GRID2: variants seen among roughly 807,000 people sequenced by gnomAD.
The protein encoded by GRID2 is glutamate ionotropic receptor delta type subunit 2.
GRID2 carries 33 observed loss-of-function variants against 114.8 expected under a neutral mutation model. The observed-to-expected ratio is 0.29, with a 90% CI of 0.22 to 0.38. GRID2 has a LOEUF of 0.38. GRID2 is among the 10% of genes least tolerant of loss of function. GRID2 has a pLI of 1.00. For synonymous variants in GRID2, 505 were observed against 449.9 expected (o/e 1.12, Z -1.55); for missense variants, 1,184 against 1,257.7 (o/e 0.94, Z 0.89).
intron 8 of GRID2, among the ~76,000 whole-genome samples, chr4:93,364,763 G>A (rs560540668): frequency 6.6e-6 from 1 of 152,240 alleles, no homozygotes; most frequent in Admixed American, 6.5e-5. Flanking sequence ...CCAGGTGTGA[G>A]CCACTGTACC....
chr4:92,770,730 C>T (rs540943238), intron 2 of GRID2, among the ~76,000 whole-genome samples: 42 of 152,128 alleles, frequency 2.8e-4, no homozygotes, highest in African/African-American at 6.5e-4. Flanking sequence ...TTCACTATCA[C>T]GAGAAAAGCG....
At chr4:93,533,980 T>G (rs1189572138) in intron 13 of GRID2, among the ~76,000 whole-genome samples, 1 of 152,148 alleles carries the variant, frequency 6.6e-6, no homozygotes, top group Non-Finnish European at 1.5e-5. Context: ...ATTATCTTTC[T>G]GGCTTGGCTT....
intron 2 of GRID2, among the ~76,000 whole-genome samples, chr4:92,936,178 T>C (rs1004431896): frequency 6.8e-6 from 1 of 146,994 alleles, no homozygotes; most frequent in African/African-American, 2.4e-5. Flanking sequence ...TTGTTACATT[T>C]ATATTGTGAT....
At chr4:92,530,054 T>A (rs1178586819) in intron 1 of GRID2, among the ~76,000 whole-genome samples, 1 of 151,816 alleles carries the variant, frequency 6.6e-6, no homozygotes, top group Admixed American at 6.6e-5. Flanking sequence ...AAGGGTTTTT[T>A]TTTTTTGAAT....
intron 1 of GRID2, among the ~76,000 whole-genome samples, chr4:92,431,082 G>A (rs2110340505): frequency 6.6e-6 from 1 of 152,160 alleles, no homozygotes; most frequent in Admixed American, 6.5e-5. Context: ...CTTAGAATTT[G>A]GATGACCCTT....
intron 4 of GRID2, among the ~76,000 whole-genome samples, chr4:93,186,826 A>T (rs1314161040): frequency 6.6e-6 from 1 of 152,180 alleles, no homozygotes; most frequent in Non-Finnish European, 1.5e-5. Flanking sequence ...TATCATTTAT[A>T]TGACTGTCTT....
At chr4:93,041,516 CAT>C (rs1190617971) in intron 2 of GRID2, among the ~76,000 whole-genome samples, 1 of 152,092 alleles carries the variant, frequency 6.6e-6, no homozygotes, top group Non-Finnish European at 1.5e-5. Flanking sequence ...TAGTTAAACT[CAT>C]ATGAGGGGAA....
intron 2 of GRID2, among the ~76,000 whole-genome samples, chr4:92,880,528 G>A (rs1022523350): frequency 8.5e-5 from 13 of 152,086 alleles, no homozygotes; most frequent in Non-Finnish European, 1.6e-4. Flanking sequence ...TGCAGCTGAA[G>A]GCAACTGAAT....
chr4:92,827,081 C>A (rs561838402), intron 2 of GRID2, among the ~76,000 whole-genome samples: 1 of 152,056 alleles, frequency 6.6e-6, no homozygotes, highest in Non-Finnish European at 1.5e-5. Flanking sequence ...AAAGCTGGGC[C>A]TTCCTCATAT....
chr4:93,583,420 A>G (rs971588794), intron 13 of GRID2, among the ~76,000 whole-genome samples: 5 of 152,092 alleles, frequency 3.3e-5, no homozygotes, highest in African/African-American at 9.7e-5. Context: ...TTCTGTTATT[A>G]TTAATATTGA....
intron 2 of GRID2, among the ~76,000 whole-genome samples, chr4:92,726,454 C>T (rs1017735153): frequency 6.6e-6 from 1 of 152,012 alleles, no homozygotes; most frequent in African/African-American, 2.4e-5. Context: ...TTATGTGGTG[C>T]ACCACTATAC....
chr4:93,770,690 G>T (rs1320669684), intron 15 of GRID2, among the ~76,000 whole-genome samples: 2 of 152,252 alleles, frequency 1.3e-5, no homozygotes, highest in East Asian at 3.9e-4. Flanking sequence ...CGTTGACATT[G>T]ATTCAATGCA....
chr4:92,535,743 C>T lies in GRID2; in HGVS notation c.89-54388C>T, dbSNP rs78303496. 3.3e-5 allele frequency among the ~76,000 whole-genome samples: 5 copies of T among 152,290 alleles called. No individual in the cohort carries two copies. In the East Asian group the frequency reaches 7.7e-4, roughly 24 times the overall value. ...GGTTCCTTCAGTGGGTTCTTGGTCT[C>T]GCTAACTTCAAGAATGAAGCCACGG... On this transcript the variant is annotated intron_variant, in intron 1 of 15. Coordinates refer to ENST00000282020, the MANE Select transcript of GRID2 (RefSeq NM_001510.4).
intron 13 of GRID2, among the ~76,000 whole-genome samples, chr4:93,620,739 A>C (rs1448464911): frequency 6.6e-6 from 1 of 152,184 alleles, no homozygotes; most frequent in African/African-American, 2.4e-5. Flanking sequence ...CAAATGGAAA[A>C]TTTCAAAAAA....
intron 1 of GRID2, among the ~76,000 whole-genome samples, chr4:92,566,049 G>A (rs763928604): frequency 6.6e-6 from 1 of 151,918 alleles, no homozygotes; most frequent in Non-Finnish European, 1.5e-5. Context: ...GGAGGTTCAT[G>A]TGTTCTTCGC....
rs138394188 is a variant in GRID2 at position 93,342,072 on chromosome 4, T to C, written c.1246-53535T>C. Among the ~76,000 whole-genome samples, 38 of 152,260 alleles carry C rather than the reference T, an allele frequency of 2.5e-4. No individual in the cohort carries two copies. The East Asian group carries it at 7.4e-3, about 29-fold the overall frequency. On this transcript the variant is annotated intron_variant, in intron 8 of 15. Coordinates refer to ENST00000282020, the MANE Select transcript of GRID2 (RefSeq NM_001510.4). Reference sequence around the variant, plus strand: ...CCTACCCCTCTATAATCCATCTCTGTATAGCACTGTGAGATAGCATCTTAT... The same window carrying C: ...CCTACCCCTCTATAATCCATCTCTGCATAGCACTGTGAGATAGCATCTTAT...
At chr4:92,966,317 TG>T (rs1387235010) in intron 2 of GRID2, among the ~76,000 whole-genome samples, 1 of 151,898 alleles carries the variant, frequency 6.6e-6, no homozygotes, top group East Asian at 1.9e-4. Flanking sequence ...CAGGAGTTCA[TG>T]TGAGGGGTCG....
chr4:93,005,193 C>G (rs1011642878), intron 2 of GRID2, among the ~76,000 whole-genome samples: 5 of 152,022 alleles, frequency 3.3e-5, no homozygotes, highest in Admixed American at 6.6e-5. Flanking sequence ...AAACCTGTTC[C>G]TCTCTTAATT....
At chr4:93,018,589 A>G (rs1218381825) in intron 2 of GRID2, among the ~76,000 whole-genome samples, 6 of 152,194 alleles carry the variant, frequency 3.9e-5, no homozygotes, top group Non-Finnish European at 5.9e-5. Context: ...AGCCATGAAT[A>G]TAAAATAGCA....
Sources: gnomAD v4.1 joint callset for allele counts (sites outside exome capture counted in the v4.1 genomes callset) on GRCh38, gnomAD v4.1.1 for gene constraint, MANE v1.5 for transcripts, NCBI Gene and HGNC (gene_info 2026-07-23, HGNC 2026-07-21) for gene names.